CUL9: variants seen among roughly 807,000 people sequenced by gnomAD.
CUL9 encodes cullin 9.
CUL9 carries 79 observed loss-of-function variants against 272.6 expected under a neutral mutation model. The observed-to-expected ratio is 0.29, with a 90% CI of 0.24 to 0.35. The LOEUF (loss-of-function observed/expected upper bound fraction) is 0.35, where lower values mean the gene tolerates loss of function less well. Ranked by LOEUF, CUL9 falls within the 10% of genes least tolerant of loss-of-function variation. The probability of loss-of-function intolerance (pLI) is 1.00; values close to 1 mark genes in which losing one functional copy is unlikely to be tolerated. For missense variants in CUL9, 2,532 were observed against 3,255.6 expected (o/e 0.78, Z 5.41); for synonymous variants, 1,186 against 1,286.5 (o/e 0.92, Z 1.67).
At position 43,196,221 on chromosome 6, in the gene CUL9, C is replaced by T. The variant is rs201734784; in HGVS notation, c.2541C>T (p.Leu847=). The change falls in exon 10 of 41, where the codon CTC becomes CTT. Residue 847 remains leucine (L), a synonymous_variant. Transcript: ENST00000252050. ...CACGCCCGGGCTCTGAGAGCCTGCT[C>T]CTCACTGTCCCTGCAGCCGTGATCC... ...SATRPGSESL[L]LTVPAAVILM... is the part of the protein sequence containing the mutation. 1.9e-6 allele frequency: 3 copies of T among 1,614,160 alleles called. No homozygotes were observed. Among genetic ancestry groups the T allele is most frequent in the Non-Finnish European group, 2.5e-6 (3 of 1,180,044 alleles).
intron 11 of CUL9, chr6:43,198,293 T>C (rs1022198510): frequency 2.0e-6 from 2 of 983,270 alleles, no homozygotes; most frequent in Admixed American, 1.2e-4. Flanking sequence ...AAAGCCACCA[T>C]GCAGGTAGTA....
At chr6:43,198,412 G>A in intron 11 of CUL9, 197 bp from the exon 12 acceptor site, 1 of 984,544 alleles carries the variant, frequency 1.0e-6, no homozygotes, top group Non-Finnish European at 1.2e-6. Flanking sequence ...TGCTATACTA[G>A]GTTTTTTTTT....
intron 11 of CUL9, among the ~76,000 whole-genome samples, chr6:43,197,410 C>T (rs1774095548): frequency 6.6e-6 from 1 of 151,860 alleles, no homozygotes; most frequent in African/African-American, 2.4e-5. Context: ...CTAGGTTTGG[C>T]CCAGTATTAT....
rs947682472 is a variant in CUL9 at position 43,193,226 on chromosome 6, G to A, written c.2388+18G>A. 16 of 1,611,124 alleles carry A rather than the reference G, an allele frequency of 9.9e-6. No individual in the cohort carries two copies. The highest frequency in any genetic ancestry group is 1.3e-5 in the Non-Finnish European group (15 of 1,177,586). On this transcript the variant is annotated intron_variant, in intron 9 of 40. Coordinates refer to ENST00000252050, the MANE Select transcript of CUL9 (RefSeq NM_015089.4). ...GGCTGGCGGTGAGTACATTGGGCCTGGCGGGAGAGAACAATGGGCAAGACA... is the reference window on the plus strand; with the variant it reads ...GGCTGGCGGTGAGTACATTGGGCCTAGCGGGAGAGAACAATGGGCAAGACA...
Position 43,204,457 on chromosome 6 carries a change from T to C in CUL9, c.4257T>C (p.Ala1419=). The stretch of plus-strand genomic sequence containing the variant: ...CCTTGAGTCGAGCAGCGTCCTTTGC[T>C]TCTCGAGTTCGTCGCCTTTGCCACT... The part of the protein sequence containing the change: ...RNPLSRAASF[A]SRVRRLCHLL... The change falls in exon 21 of 41, where the codon GCT becomes GCC. Residue 1419 remains alanine (A), a synonymous_variant. Transcript: ENST00000252050. The C allele has an allele frequency of 6.2e-7, 1 of 1,614,140 alleles. No homozygotes were observed. Among genetic ancestry groups the C allele is most frequent in the East Asian group, 2.2e-5 (1 of 44,874 alleles).
chr6:43,202,002 G>C (rs935936322), intron 16 of CUL9, among the ~76,000 whole-genome samples: 2 of 152,216 alleles, frequency 1.3e-5, no homozygotes, highest in Admixed American at 6.5e-5. Context: ...GGAGGTGGAA[G>C]GTGTATGCAG....
At position 43,198,862 on chromosome 6, in the gene CUL9, G is replaced by A. The variant is rs1049964854; in HGVS notation, c.3050+7G>A. On this transcript the variant is annotated splice_region_variant and intron_variant, in intron 12 of 40. Transcript: ENST00000252050. ...TGCTGCTGTCTGTGCTGAGGTGAGG[G>A]GCCTGTTGAGGCACCATGCATTGGG... 1 of 1,611,172 alleles carries A rather than the reference G, an allele frequency of 6.2e-7. No homozygotes were observed. Among genetic ancestry groups the A allele is most frequent in the Non-Finnish European group, 8.5e-7 (1 of 1,178,768 alleles).
chr6:43,197,691 T>G (rs980534101), intron 11 of CUL9, among the ~76,000 whole-genome samples: 2 of 151,662 alleles, frequency 1.3e-5, no homozygotes, highest in African/African-American at 2.4e-5. Flanking sequence ...ACCATGTTGG[T>G]CAGGCCGGTT....
rs1163759572 is a variant in CUL9 at position 43,203,617 on chromosome 6, A to G, written c.4025+25A>G. 6.2e-7 allele frequency: 1 copy of G among 1,608,196 alleles called. No homozygotes were observed. Among genetic ancestry groups the G allele is most frequent in the South Asian group, 1.1e-5 (1 of 90,766 alleles). ...GGTGGGTGGGGCCTGAGGAGGGAAG[A>G]TGGGTAAGGGAACAGGACACTGTGA... On this transcript the variant is annotated intron_variant, in intron 19 of 40. Coordinates refer to ENST00000252050, the MANE Select transcript of CUL9 (RefSeq NM_015089.4). The surrounding 1 kb of genome is among the most constrained non-coding windows in gnomAD (Gnocchi z 5.0).
rs1775728863 is a variant in CUL9 at position 43,213,900 on chromosome 6, G to A, written c.5676G>A (p.Gln1892=). Residue 1892 remains glutamine, a synonymous_variant, in exon 29 of 41, where the codon CAG becomes CAA. Transcript: ENST00000252050. The surrounding 1 kb of genome is among the most constrained non-coding windows in gnomAD (Gnocchi z 5.7). ...AHGEKGLHID[Q]LVCLVLEAWQ... ...GGGAAAAGGGCCTCCACATTGATCA[G>A]CTGGTTTGTCTGGTAGGCAGAGAGG... The A allele has an allele frequency of 5.6e-6, 9 of 1,613,960 alleles. No homozygotes were observed. Among genetic ancestry groups the A allele is most frequent in the Non-Finnish European group, 6.8e-6 (8 of 1,180,042 alleles).
At position 43,220,436 on chromosome 6, in the gene CUL9, G is replaced by A. The variant is rs755617373; in HGVS notation, c.6283-23G>A. The A allele has an allele frequency of 5.0e-5, 80 of 1,613,394 alleles. No individual in the cohort carries two copies. The highest frequency in any genetic ancestry group is 1.6e-4 in the Middle Eastern group (1 of 6,080). On this transcript the variant is annotated intron_variant, in intron 31 of 40. Coordinates refer to ENST00000252050, the MANE Select transcript of CUL9 (RefSeq NM_015089.4). The surrounding 1 kb of genome is among the most constrained non-coding windows in gnomAD (Gnocchi z 4.9). ...GCTGCTCCCACACTGTCTGTGAGCA[G>A]CCCCTCCTTTTGTCCCTCCCAGTCT...
intron 1 of CUL9, among the ~76,000 whole-genome samples, chr6:43,183,410 A>G (rs547759406): frequency 5.9e-5 from 9 of 151,828 alleles, no homozygotes; most frequent in Admixed American, 2.6e-4. Flanking sequence ...TGTCATCTCC[A>G]TTCTCTATAT....
Position 43,204,547 on chromosome 6 carries a change from C to G in CUL9, c.4339+8C>G. The G allele has an allele frequency of 6.2e-7, 1 of 1,613,842 alleles. No homozygotes were observed. On this transcript the variant is annotated splice_region_variant and intron_variant, in intron 21 of 40. Coordinates refer to ENST00000252050, the MANE Select transcript of CUL9 (RefSeq NM_015089.4). ...AGCCATCCACTCGGCCCTGTAAGTCCCAGCTGTGGCCAGTGGAGCTGACTC... is the reference window on the plus strand; with the variant it reads ...AGCCATCCACTCGGCCCTGTAAGTCGCAGCTGTGGCCAGTGGAGCTGACTC...
intron 38 of CUL9, 65 bp downstream of exon 38, chr6:43,222,961 CT>C (rs1776494903): frequency 2.2e-6 from 3 of 1,392,596 alleles, no homozygotes; most frequent in Non-Finnish European, 3.0e-6. Context: ...AGCCCGGCCC[CT>C]CCCAGACAGG....
At chr6:43,198,049 C>T (rs978144625) in intron 11 of CUL9, among the ~76,000 whole-genome samples, 6 of 151,846 alleles carry the variant, frequency 4.0e-5, no homozygotes, top group Non-Finnish European at 5.9e-5. Context: ...GAGACCAGCC[C>T]GGCCAACATG....
At chr6:43,191,323 G>A (rs1200548647) in intron 8 of CUL9, among the ~76,000 whole-genome samples, 1 of 101,250 alleles carries the variant, frequency 9.9e-6, no homozygotes, top group Non-Finnish European at 2.0e-5. Flanking sequence ...TTGTTTTTTT[G>A]TTTTTCAGAG....
At position 43,188,827 on chromosome 6, in the gene CUL9, G is replaced by T. The variant is rs545002920; in HGVS notation, c.2180+112G>T. ...TTAGAAAAGCTTGGGGTGAGGGAAG[G>T]CTCAGCCTGAGGAGCAGCCGAGCAG... On this transcript the variant is annotated intron_variant, in intron 8 of 40. Coordinates refer to ENST00000252050, the MANE Select transcript of CUL9 (RefSeq NM_015089.4). 50 of 885,948 alleles carry T rather than the reference G, an allele frequency of 5.6e-5. 1 individual carries two copies. In the South Asian group the frequency reaches 7.5e-4, roughly 13 times the overall value. The allele number at this position is 885,948 out of a possible 1,614,324, so 54.9% of individuals were successfully genotyped here.
Position 43,203,260 on chromosome 6 carries a change from C to T in CUL9, c.3849+56C>T, listed in dbSNP as rs1774765864. On this transcript the variant is annotated intron_variant, in intron 18 of 40. Coordinates refer to ENST00000252050, the MANE Select transcript of CUL9 (RefSeq NM_015089.4). This position sits in a 1 kb window ranked among gnomAD's most constrained non-coding sequence, Gnocchi z 5.0. ...AGGAGGAGGTGGCACACAAGTTTCT[C>T]CTTGATCTGCTTGGGAGATGGCCCA... is the stretch of plus-strand genomic sequence containing the variant. 2 of 1,606,830 alleles carry T rather than the reference C, an allele frequency of 1.2e-6. No homozygotes were observed. Among genetic ancestry groups the T allele is most frequent in the Non-Finnish European group, 8.5e-7 (1 of 1,173,656 alleles).
At position 43,188,609 on chromosome 6, in the gene CUL9, A is replaced by G. The variant is rs762305483; in HGVS notation, c.2074A>G (p.Ser692Gly). 8.7e-6 allele frequency: 14 copies of G among 1,614,222 alleles called. No homozygotes were observed. The highest frequency in any genetic ancestry group is 5.0e-5 in the Admixed American group (3 of 60,030). The change falls in exon 8 of 41, where the codon AGC becomes GGC. Residue 692 changes from serine (S) to glycine (G), a missense_variant. By Grantham distance (56) the Ser-to-Gly change is moderately conservative (BLOSUM62 0). Coordinates refer to ENST00000252050, the MANE Select transcript of CUL9 (RefSeq NM_015089.4). ...AAVVATVQIS[S>G]LDTNLQLSGL... ...GGTCGTGGCCACTGTGCAGATATCC[A>G]GCTTGGACACAAACCTGCAGCTTTC...
Sources: gnomAD v4.1 joint callset for allele counts (sites outside exome capture counted in the v4.1 genomes callset) on GRCh38, gnomAD v4.1.1 for gene constraint, Gnocchi (gnomAD v3.1) non-coding constraint, MANE v1.5 for transcripts, NCBI Gene and HGNC (gene_info 2026-07-23, HGNC 2026-07-21) for gene names.